LRRC71: variants seen among roughly 807,000 people sequenced by gnomAD.
LRRC71 encodes leucine-rich repeat-containing protein 71.
LRRC71 carries 54 observed loss-of-function variants against 66.6 expected under a neutral mutation model. The ratio of observed to expected loss-of-function variants is 0.81; its 90% CI spans 0.65 to 1.02. The LOEUF (loss-of-function observed/expected upper bound fraction) is 1.02, where lower values mean the gene tolerates loss of function less well. LRRC71 is among the 50% of genes least tolerant of loss of function. LRRC71 has a pLI of 0.00. For missense variants in LRRC71, 724 were observed against 718.0 expected, an observed-to-expected ratio of 1.01 and a Z score of -0.10; for synonymous variants, 323 against 303.9, an observed-to-expected ratio of 1.06 and a Z score of -0.65.
At position 156,924,194 on chromosome 1, in the gene LRRC71, GGT is replaced by G. The variant is rs747598985; in HGVS notation, c.310+108_310+109del. 824 of 1,371,890 alleles carry G rather than the reference GGT, an allele frequency of 6.0e-4. 3 individuals carry two copies. The highest frequency in any genetic ancestry group is 1.4e-3 in the South Asian group (102 of 74,418). The allele number at this position is 1,371,890 out of a possible 1,614,324, so 85.0% of individuals were successfully genotyped here. On this transcript the variant is annotated intron_variant, in intron 2 of 14. Coordinates refer to ENST00000337428, the MANE Select transcript of LRRC71 (RefSeq NM_144702.3). ...CGGGCCAAATGGAGGGACGCGGGGC[GGT>G]GTGTGTGTGTGAGTCGGCGGTATTC...
In LRRC71 at chr1:156,927,434, A is replaced by G. The variant is rs545172385; in HGVS notation, c.663-62A>G. ...GCCCCCTCAAGCGCTCAAGTCTCCC[A>G]TATTCCGGCGGACGCCCTGTACCTT... is the stretch of plus-strand genomic sequence containing the variant. On this transcript the variant is annotated intron_variant, in intron 6 of 14. Transcript: ENST00000337428. The G allele has an allele frequency of 6.0e-5, 91 of 1,520,560 alleles. No homozygotes were observed. In the Admixed American group the frequency reaches 1.8e-3, roughly 31 times the overall value. 94.2% of individuals were successfully genotyped at this position (1,520,560 alleles called of 1,614,324 possible). A position where few individuals can be genotyped will look rare whatever the true frequency, so the allele number is the denominator to read the frequency against.
downstream of LRRC71, chr1:156,935,801 A>C: frequency 1.7e-6 from 1 of 603,198 alleles, no homozygotes; most frequent in Non-Finnish European, 2.9e-6. Context: ...TAAGGGAGGG[A>C]AAAGACACTG....
intron 11 of LRRC71, among the ~76,000 whole-genome samples, chr1:156,930,099 CTT>C (rs5778012): frequency 8.8e-6 from 1 of 113,138 alleles, no homozygotes; most frequent in African/African-American, 3.6e-5. Flanking sequence ...CTTTCTCTCT[CTT>C]TTTTTTTTTT....
In LRRC71 at chr1:156,928,438, CTCT is replaced by C. The variant is rs1160087205; in HGVS notation, c.996+437_996+439del. Among the ~76,000 whole-genome samples, 77 of 51,938 alleles carry C rather than the reference CTCT, an allele frequency of 1.5e-3. 1 individual carries two copies. The highest frequency in any genetic ancestry group is 1.7e-3 in the South Asian group (2 of 1,198). 34.1% of individuals were successfully genotyped at this position (51,938 alleles called of 152,430 possible). A position where few individuals can be genotyped will look rare whatever the true frequency, so the allele number is the denominator to read the frequency against. On this transcript the variant is annotated intron_variant, in intron 9 of 14. Coordinates refer to ENST00000337428, the MANE Select transcript of LRRC71 (RefSeq NM_144702.3). ...ATTCCTCCTCCTCCTCTTCTTCTTC[CTCT>C]TCCTCCTCCTCTTCTTCTCCTTCTT... is the stretch of plus-strand genomic sequence containing the variant.
rs1178733117 is a variant in LRRC71 at position 156,928,725 on chromosome 1, C to T, written c.997-555C>T. ...AGCTGAGATTTCAGGTATGTGCCAC[C>T]ATGCCCAGCTAATTTTTGTATTTTT... On this transcript the variant is annotated intron_variant, in intron 9 of 14. Coordinates refer to ENST00000337428, the MANE Select transcript of LRRC71 (RefSeq NM_144702.3). Among the ~76,000 whole-genome samples, 6 of 151,732 alleles carry T rather than the reference C, an allele frequency of 4.0e-5. No individual in the cohort carries two copies. The East Asian group carries it at 1.2e-3, about 29-fold the overall frequency.
chr1:156,932,411 T>C lies in LRRC71; in HGVS notation c.1442-13T>C, dbSNP rs779103812. On this transcript the variant is annotated splice_polypyrimidine_tract_variant and intron_variant, in intron 13 of 14. Transcript: ENST00000337428. ...GTGGTGCTAAGAGGCCACCTGTCTG[T>C]AACTTCCACCAGGGAACCGCATCAC... 48 of 1,610,246 alleles carry C rather than the reference T, an allele frequency of 3.0e-5. No homozygotes were observed. The highest frequency in any genetic ancestry group is 2.0e-4 in the Middle Eastern group (1 of 5,076).
intron 9 of LRRC71, among the ~76,000 whole-genome samples, chr1:156,928,325 CTTTCTTT>C (rs1459167092): frequency 7.4e-6 from 1 of 136,012 alleles, no homozygotes; most frequent in Non-Finnish European, 1.6e-5. Context: ...TCTTCTTCTT[CTTTCTTT>C]TTTCTTTCTT....
Position 156,932,558 on chromosome 1 carries a change from C to T in LRRC71, c.1563+13C>T, listed in dbSNP as rs1654538421. 6.2e-7 allele frequency: 1 copy of T among 1,613,988 alleles called. No individual in the cohort carries two copies. Among genetic ancestry groups the T allele is most frequent in the African/African-American group, 1.3e-5 (1 of 75,040 alleles). ...GCTGTCCCTGGCTGTGAGTCCCTTT[C>T]ACTCTCTCCTGCTGAAGCAGACGTT... On this transcript the variant is annotated intron_variant, in intron 14 of 14. Transcript: ENST00000337428.
the LRRC71 span, chr1:156,940,407 C>T: frequency 5.6e-6 from 9 of 1,606,234 alleles, no homozygotes; most frequent in African/African-American, 1.1e-4. Context: ...CCCTTGGACC[C>T]TCTGCTGGGA....
chr1:156,929,792 G>A (rs764725363), intron 11 of LRRC71, 63 bp downstream of exon 11: 400 of 1,417,834 alleles, frequency 2.8e-4, no homozygotes, highest in Non-Finnish European at 3.7e-4. Context: ...GCCGGGCCGG[G>A]TGCAGGAAGC....
chr1:156,929,259 C>T, intron 9 of LRRC71, 21 bp from the exon 10 acceptor site: 1 of 1,585,982 alleles, frequency 6.3e-7, no homozygotes, highest in Non-Finnish European at 8.6e-7. Context: ...TTCCCCCCTT[C>T]CCTCCCATTT....
downstream of LRRC71, chr1:156,936,966 C>G (rs1655519805): frequency 6.2e-7 from 1 of 1,614,150 alleles, no homozygotes; most frequent in Non-Finnish European, 8.5e-7. Flanking sequence ...GACTCTCCCC[C>G]AAGGGACTTG....
At chr1:156,933,645 G>A (rs1363368499), downstream of LRRC71, among the ~76,000 whole-genome samples, 1 of 152,216 alleles carries the variant, frequency 6.6e-6, no homozygotes, top group African/African-American at 2.4e-5. Flanking sequence ...TCAGCAATCT[G>A]AAACCAGAGG....
chr1:156,931,208 G>A (rs570736578), intron 12 of LRRC71, among the ~76,000 whole-genome samples: 7 of 151,992 alleles, frequency 4.6e-5, no homozygotes, highest in Non-Finnish European at 8.8e-5. Context: ...TCATCCCTCC[G>A]TTCTGTCAGC....
In LRRC71 at chr1:156,933,037, ACC is replaced by A; in HGVS notation, c.*69_*70del. On this transcript the variant is annotated 3_prime_UTR_variant, in exon 15 of 15. Transcript: ENST00000337428. ...GCACCTCCTGTCCCTGTGTGGGGTG[ACC>A]TCCCTGGGGGAGATCTCAGACCAAT... The A allele has an allele frequency of 8.4e-7, 1 of 1,187,192 alleles. No homozygotes were observed. The highest frequency in any genetic ancestry group is 1.2e-6 in the Non-Finnish European group (1 of 829,358). The allele number at this position is 1,187,192 out of a possible 1,614,324, so 73.5% of individuals were successfully genotyped here. A position where few individuals can be genotyped will look rare whatever the true frequency, so the allele number is the denominator to read the frequency against.
At chr1:156,923,366 G>A (rs1652686965) in intron 1 of LRRC71, among the ~76,000 whole-genome samples, 1 of 152,228 alleles carries the variant, frequency 6.6e-6, no homozygotes, top group South Asian at 2.1e-4. Flanking sequence ...GGGATGTGGT[G>A]GGCGCGTGTG....
chr1:156,928,932 A>G (rs1198685595), intron 9 of LRRC71, among the ~76,000 whole-genome samples: 3 of 151,928 alleles, frequency 2.0e-5, no homozygotes, highest in African/African-American at 7.3e-5. Flanking sequence ...AGTTGTACCT[A>G]TTTCATGACT....
chr1:156,930,572 C>T lies in LRRC71; in HGVS notation c.1284C>T (p.Ile428=). Residue 428 remains isoleucine (I), a synonymous_variant, in exon 12 of 15, where the codon ATC becomes ATT. Transcript: ENST00000337428. Reference sequence around the variant, plus strand: ...AGAAGCCAAGCAGGGCAAAAGGGATCAAGATCGGGAGCAGAGAGAAGCGCA... The same window carrying T: ...AGAAGCCAAGCAGGGCAAAAGGGATTAAGATCGGGAGCAGAGAGAAGCGCA... ...PEQKPSRAKG[I]KIGSREKRSI... The T allele has an allele frequency of 6.4e-7, 1 of 1,570,328 alleles. No individual in the cohort carries two copies. Among genetic ancestry groups the T allele is most frequent in the Admixed American group, 1.9e-5 (1 of 53,452 alleles).
At chr1:156,932,706 C>T in intron 14 of LRRC71, 147 bp from the exon 15 acceptor site, 1 of 1,556,578 alleles carries the variant, frequency 6.4e-7, no homozygotes, top group East Asian at 2.2e-5. Context: ...ATTCCTCTTG[C>T]TGGAAAATCA....
Sources: allele counts gnomAD v4.1 joint callset (sites outside exome capture counted in the v4.1 genomes callset), GRCh38; gene constraint gnomAD v4.1.1; transcripts MANE v1.5; gene names NCBI Gene and HGNC (gene_info 2026-07-23, HGNC 2026-07-21).